TTLL5: variants seen among roughly 807,000 people sequenced by gnomAD.
TTLL5 encodes the protein tubulin polyglutamylase TTLL5.
In TTLL5, 132 loss-of-function variants were observed where a neutral mutation model predicts 168.4. The ratio of observed to expected loss-of-function variants is 0.78; its 90% CI spans 0.68 to 0.91. The LOEUF (loss-of-function observed/expected upper bound fraction) is 0.91. Among genes scored for constraint, TTLL5 ranks in the 40% least tolerant of loss-of-function variants. The probability of loss-of-function intolerance (pLI) is 0.00; values close to 1 mark genes in which losing one functional copy is unlikely to be tolerated. For missense variants in TTLL5, 1,545 were observed against 1,581.5 expected, an observed-to-expected ratio of 0.98 and a Z score of 0.39; for synonymous variants, 546 against 558.6, an observed-to-expected ratio of 0.98 and a Z score of 0.32.
chr14:75,698,140 G>A (rs1277663900), intron 6 of TTLL5, among the ~76,000 whole-genome samples: 3 of 152,208 alleles, frequency 2.0e-5, no homozygotes, highest in African/African-American at 7.2e-5. Context: ...TCCAGTCTGG[G>A]ATGTGAGAAT....
intron 19 of TTLL5, 72 bp downstream of exon 19, chr14:75,764,844 T>C: frequency 1.3e-6 from 2 of 1,562,262 alleles, no homozygotes; most frequent in South Asian, 1.1e-5. Context: ...AGCTGCTTAC[T>C]CAGTATTTCA....
intron 26 of TTLL5, among the ~76,000 whole-genome samples, chr14:75,790,506 C>G (rs921216712): frequency 6.6e-6 from 1 of 151,012 alleles, no homozygotes; most frequent in Non-Finnish European, 1.5e-5. Context: ...GGGTCTCACT[C>G]TGTCACCCAG....
At chr14:75,880,886 C>T (rs2031772129) in intron 29 of TTLL5, among the ~76,000 whole-genome samples, 1 of 152,100 alleles carries the variant, frequency 6.6e-6, no homozygotes, top group African/African-American at 2.4e-5. Flanking sequence ...CTGGCTTTGC[C>T]CATGACCTTG....
chr14:75,816,958 A>T (rs1490601657), intron 27 of TTLL5, among the ~76,000 whole-genome samples: 3 of 145,528 alleles, frequency 2.1e-5, no homozygotes, highest in Admixed American at 1.4e-4. Flanking sequence ...ATTTGCTACT[A>T]TATCTTCCCT....
chr14:75,899,035 G>A (rs368640441), intron 30 of TTLL5, among the ~76,000 whole-genome samples: 69 of 152,312 alleles, frequency 4.5e-4, no homozygotes, highest in African/African-American at 1.6e-3. Context: ...TAGACTTATA[G>A]TGAATGCAGA....
intron 7 of TTLL5, among the ~76,000 whole-genome samples, chr14:75,705,901 C>G (rs1204821333): frequency 6.6e-6 from 1 of 151,488 alleles, no homozygotes; most frequent in African/African-American, 2.4e-5. Context: ...TTTCCTTAAT[C>G]TAGAATCCAC....
intron 28 of TTLL5, among the ~76,000 whole-genome samples, chr14:75,826,923 A>AAAGATCTCATCCT (rs2307515): frequency 0.89 from 135,076 of 152,068 alleles, 60,135 homozygotes; most frequent in African/African-American, 0.94. Context: ...TCCTTTAACT[A>AAAGATCTCATCCT]ACCCACCTGC....
At chr14:75,731,297 T>G (rs1032736028) in intron 12 of TTLL5, among the ~76,000 whole-genome samples, 1 of 151,922 alleles carries the variant, frequency 6.6e-6, no homozygotes, top group African/African-American at 2.4e-5. Context: ...AAGCAGTTTT[T>G]TTGAGGGTCA....
At chr14:75,888,070 G>T (rs1303604853) in intron 30 of TTLL5, among the ~76,000 whole-genome samples, 1 of 152,222 alleles carries the variant, frequency 6.6e-6, no homozygotes, top group African/African-American at 2.4e-5. Flanking sequence ...GGCAGGGCCT[G>T]AGGGTAGAAA....
intron 31 of TTLL5, among the ~76,000 whole-genome samples, chr14:75,946,230 T>C (rs1334307602): frequency 1.3e-5 from 2 of 152,350 alleles, no homozygotes; most frequent in South Asian, 2.1e-4. Context: ...CAAACCATCA[T>C]ATCATGTAAC....
rs1373714393 is a variant in TTLL5, at chr14:75,663,159, G to A, written c.10G>A (p.Val4Met). 2.5e-6 allele frequency: 4 copies of A among 1,613,564 alleles called. No homozygotes were observed. Among genetic ancestry groups the A allele is most frequent in the Non-Finnish European group, 3.4e-6 (4 of 1,179,916 alleles). Reference protein sequence around the residue: MPIVMARDLEETAS... With the variant: MPIMMARDLEETAS... ...ACAAACCCTAAAGGAAATGCCAATC[G>A]TGATGGCCCGGGACCTGGAGGAAAC... Residue 4 changes from valine (V) to methionine (M), a missense_variant, in exon 2 of 32, where the codon GTG becomes ATG. Coordinates refer to ENST00000298832, the MANE Select transcript of TTLL5 (RefSeq NM_015072.5).
chr14:75,787,317 A>G (rs1326547570), intron 26 of TTLL5, among the ~76,000 whole-genome samples: 1 of 152,198 alleles, frequency 6.6e-6, no homozygotes, highest in Non-Finnish European at 1.5e-5. Context: ...TGAAAAAAGA[A>G]ATACGAGATG....
rs944635240 is a variant in TTLL5 at position 75,661,326 on chromosome 14, G to C, written c.-157G>C. On this transcript the variant is annotated 5_prime_UTR_variant, in exon 1 of 32. Coordinates refer to ENST00000298832, the MANE Select transcript of TTLL5 (RefSeq NM_015072.5). ...CCTGAGCCTTCCTGGGGAAGGAGGA[G>C]GGAGGTAGGCGCAGAGCGCGGTCCA... 1 of 152,292 alleles carries C rather than the reference G, an allele frequency of 6.6e-6. No individual in the cohort carries two copies. The highest frequency in any genetic ancestry group is 1.5e-5 in the Non-Finnish European group (1 of 68,088). 9.4% of individuals were successfully genotyped at this position (152,292 alleles called of 1,614,324 possible).
intron 31 of TTLL5, among the ~76,000 whole-genome samples, chr14:75,906,287 G>C (rs1384429104): frequency 6.6e-6 from 1 of 152,056 alleles, no homozygotes; most frequent in African/African-American, 2.4e-5. Flanking sequence ...GGAGCTCCTG[G>C]GTGGATCTGG....
chr14:75,737,351 G>A (rs1293001390), intron 15 of TTLL5, among the ~76,000 whole-genome samples: 2 of 152,196 alleles, frequency 1.3e-5, no homozygotes, highest in African/African-American at 4.8e-5. Context: ...GCCCTCAGTG[G>A]TGAGAAGTTG....
At chr14:75,941,491 AGAG>A (rs2034603406) in intron 31 of TTLL5, 1 of 152,256 alleles carries the variant, frequency 6.6e-6, no homozygotes, top group South Asian at 2.1e-4. Context: ...CAAATCTTTA[AGAG>A]GTAAACGTCT....
intron 7 of TTLL5, among the ~76,000 whole-genome samples, chr14:75,702,957 T>G (rs1210038332): frequency 6.6e-6 from 1 of 152,220 alleles, no homozygotes; most frequent in Non-Finnish European, 1.5e-5. Flanking sequence ...TACCACCTTT[T>G]ACCCAGACCT....
intron 9 of TTLL5, among the ~76,000 whole-genome samples, chr14:75,713,663 A>G (rs1887246171): frequency 6.6e-6 from 1 of 152,222 alleles, no homozygotes; most frequent in Non-Finnish European, 1.5e-5. Flanking sequence ...ATAAATGCTC[A>G]CAAGTACATT....
At chr14:75,817,582 A>G (rs1894505337) in intron 27 of TTLL5, among the ~76,000 whole-genome samples, 1 of 152,106 alleles carries the variant, frequency 6.6e-6, no homozygotes, top group Admixed American at 6.5e-5. Flanking sequence ...TTTCTTTCAG[A>G]ATTTTTAGGG....
Sources: allele counts gnomAD v4.1 joint callset (sites outside exome capture counted in the v4.1 genomes callset), GRCh38; gene constraint gnomAD v4.1.1; transcripts MANE v1.5; gene names NCBI Gene and HGNC (gene_info 2026-07-23, HGNC 2026-07-21).